Variants in PI15 observed in about 807,000 individuals in gnomAD.
PI15 encodes peptidase inhibitor 15.
A neutral mutation model predicts 31.0 loss-of-function variants in PI15; 18 were observed. That is an observed-to-expected ratio of 0.58 (90% CI 0.40 to 0.86). PI15 has a LOEUF of 0.86. PI15 is among the 40% of genes least tolerant of loss of function. The probability of loss-of-function intolerance (pLI) is 0.00; values close to 1 mark genes in which losing one functional copy is unlikely to be tolerated. For missense variants in PI15, 282 were observed against 328.1 expected, an observed-to-expected ratio of 0.86 and a Z score of 1.09; for synonymous variants, 118 against 119.1, an observed-to-expected ratio of 0.99 and a Z score of 0.06.
At chr8:74,833,892 T>C (rs1318528325) in intron 2 of PI15, among the ~76,000 whole-genome samples, 1 of 152,198 alleles carries the variant, frequency 6.6e-6, no homozygotes, top group Non-Finnish European at 1.5e-5. Context: ...CTGTGGCCTG[T>C]TAGAAACTGG....
intron 2 of PI15, among the ~76,000 whole-genome samples, chr8:74,839,158 A>G (rs79858511): frequency 0.023 from 3,567 of 152,316 alleles, 157 homozygotes; most frequent in African/African-American, 0.082. Context: ...AGATATTTAA[A>G]TGACTTCAGT....
rs780760149 is a variant in PI15, at chr8:74,845,432, A to G, written c.576A>G (p.Gln192=). 1.2e-6 allele frequency: 2 copies of G among 1,614,136 alleles called. No homozygotes were observed. The highest frequency in any genetic ancestry group is 1.7e-6 in the Non-Finnish European group (2 of 1,179,990). The change falls in exon 5 of 6, where the codon CAA becomes CAG. Residue 192 remains glutamine (Q), a synonymous_variant. Coordinates refer to ENST00000260113, the MANE Select transcript of PI15 (RefSeq NM_015886.5). ...NRIGCAIHTC[Q]NMNVWGSVWR... ...TAGGATGCGCAATTCATACTTGCCA[A>G]AACATGAATGTTTGGGGATCTGTGT...
intron 2 of PI15, among the ~76,000 whole-genome samples, chr8:74,828,219 A>C (rs1810727359): frequency 6.6e-6 from 1 of 152,132 alleles, no homozygotes; most frequent in Admixed American, 6.6e-5. Flanking sequence ...GATTTTTAAC[A>C]AGTGTTCAAG....
chr8:74,837,926 A>C (rs1563567322), intron 2 of PI15, among the ~76,000 whole-genome samples: 1 of 152,104 alleles, frequency 6.6e-6, no homozygotes, highest in Non-Finnish European at 1.5e-5. Context: ...CTCAAAGTTC[A>C]CTTTAATTTT....
Position 74,844,045 on chromosome 8 carries a change from G to C in PI15, c.338G>C (p.Gly113Ala). The stretch of plus-strand genomic sequence containing the variant: ...GCGGCTACTTGCATTTGGGACCATG[G>C]ACCTTCTTACTTACTGAGATTTTTG... ...AWAATCIWDH[G>A]PSYLLRFLGQ... The change falls in exon 3 of 6, where the codon GGA (glycine) becomes GCA (alanine). Residue 113 changes from glycine to alanine, a missense_variant. Physicochemically the swap from Gly to Ala is moderately conservative, Grantham distance 60. Transcript: ENST00000260113. The C allele has an allele frequency of 6.2e-7, 1 of 1,609,460 alleles. No homozygotes were observed. Among genetic ancestry groups the C allele is most frequent in the Non-Finnish European group, 8.5e-7 (1 of 1,175,778 alleles).
chr8:74,835,551 G>A (rs761891891), intron 2 of PI15, among the ~76,000 whole-genome samples: 3 of 152,110 alleles, frequency 2.0e-5, no homozygotes, highest in African/African-American at 7.2e-5. Flanking sequence ...ATAGGTTAAA[G>A]CAAAAATTAT....
rs554075984 is a variant in PI15 at position 74,825,501 on chromosome 8, G to C, written c.252G>C (p.Pro84=). The change falls in exon 2 of 6, where the codon CCG becomes CCC. Residue 84 remains proline, a synonymous_variant. Transcript: ENST00000260113. ...AAGTTCGGGGCAAAGTGTTCCCACC[G>C]GCAGCAAATATGGAATATATGGTAA... ...HNQVRGKVFP[P]AANMEYMVWD... 5.6e-6 allele frequency: 9 copies of C among 1,612,184 alleles called. No homozygotes were observed. In the African/African-American group the frequency reaches 9.4e-5, roughly 17 times the overall value.
chr8:74,848,445 T>C (rs1039966458), intron 5 of PI15, among the ~76,000 whole-genome samples: 1 of 151,930 alleles, frequency 6.6e-6, no homozygotes, highest in Admixed American at 6.6e-5. Context: ...CTCATTTCAT[T>C]ATTTTTAAGC....
intron 2 of PI15, among the ~76,000 whole-genome samples, chr8:74,842,891 T>C (rs1279121463): frequency 2.0e-5 from 3 of 152,200 alleles, no homozygotes; most frequent in South Asian, 4.1e-4. Flanking sequence ...TGAAGTACTA[T>C]GTTTTTATAA....
chr8:74,838,208 C>G (rs1249939436), intron 2 of PI15, among the ~76,000 whole-genome samples: 6 of 151,450 alleles, frequency 4.0e-5, no homozygotes, highest in African/African-American at 1.5e-4. Context: ...TGCAAAACAG[C>G]TTGAAAAAAA....
chr8:74,832,672 A>C (rs1007397217), intron 2 of PI15, among the ~76,000 whole-genome samples: 2 of 152,190 alleles, frequency 1.3e-5, no homozygotes, highest in African/African-American at 2.4e-5. Context: ...AACAGTTTAA[A>C]ATGGTCAAGA....
intron 2 of PI15, among the ~76,000 whole-genome samples, chr8:74,827,461 G>A (rs1303232098): frequency 1.3e-5 from 2 of 152,096 alleles, no homozygotes; most frequent in African/African-American, 4.8e-5. Context: ...CCAAGGACTT[G>A]ACTAATTGTT....
In PI15 at chr8:74,849,377, T is replaced by A. The variant is rs1289738239; in HGVS notation, c.*124T>A. On this transcript the variant is annotated 3_prime_UTR_variant, in exon 6 of 6. Coordinates refer to ENST00000260113, the MANE Select transcript of PI15 (RefSeq NM_015886.5). ...TGCTAATCTTGTTTTCCTCTTAGTATTCCTTTGTATAAATTAGTGTTTGTC... is the reference window on the plus strand; with the variant it reads ...TGCTAATCTTGTTTTCCTCTTAGTAATCCTTTGTATAAATTAGTGTTTGTC... The A allele has an allele frequency of 6.2e-6, 4 of 645,640 alleles. No homozygotes were observed. The allele number at this position is 645,640 out of a possible 1,614,324, so 40.0% of individuals were successfully genotyped here. A position where few individuals can be genotyped will look rare whatever the true frequency, so the allele number is the denominator to read the frequency against.
At chr8:74,843,104 A>G (rs1355029727) in intron 2 of PI15, among the ~76,000 whole-genome samples, 1 of 152,200 alleles carries the variant, frequency 6.6e-6, no homozygotes, top group Non-Finnish European at 1.5e-5. Flanking sequence ...TGGTAAAATC[A>G]GTTTGAATAA....
chr8:74,845,503 T>A lies in PI15; in HGVS notation c.641+6T>A, dbSNP rs1207182587. On this transcript the variant is annotated splice_donor_region_variant and intron_variant, in intron 5 of 5. Transcript: ENST00000260113. ...GTATGCAACTATGCCCCAAAGTAAG[T>A]ACCAGGTTGGATTCTATTTCCTGGA... 7 of 1,550,626 alleles carry A rather than the reference T, an allele frequency of 4.5e-6. No individual in the cohort carries two copies. The highest frequency in any genetic ancestry group is 6.2e-6 in the Non-Finnish European group (7 of 1,122,320).
intron 2 of PI15, among the ~76,000 whole-genome samples, chr8:74,832,584 A>G (rs1307355756): frequency 6.6e-6 from 1 of 152,254 alleles, no homozygotes; most frequent in East Asian, 1.9e-4. Flanking sequence ...ACCATTAAAT[A>G]GCTGTGAACT....
chr8:74,845,202 A>C lies in PI15; in HGVS notation c.467A>C (p.Asp156Ala). Residue 156 changes from aspartate (D) to alanine (A), a missense_variant, in exon 4 of 6, where the codon GAT becomes GCT. Asp to Ala is a moderately radical substitution (Grantham distance 126). Coordinates refer to ENST00000260113, the MANE Select transcript of PI15 (RefSeq NM_015886.5). ...GATTATGCTTTTCCATATCCCCAGGATTGCAACCCCAGATGTCCTATGAGA... is the reference window on the plus strand; with the variant it reads ...GATTATGCTTTTCCATATCCCCAGGCTTGCAACCCCAGATGTCCTATGAGA... ...VKDYAFPYPQ[D>A]CNPRCPMRCF... The C allele has an allele frequency of 6.2e-7, 1 of 1,613,406 alleles. No individual in the cohort carries two copies. The highest frequency in any genetic ancestry group is 1.1e-5 in the South Asian group (1 of 91,064).
At chr8:74,830,648 C>T (rs1810768284) in intron 2 of PI15, among the ~76,000 whole-genome samples, 1 of 152,034 alleles carries the variant, frequency 6.6e-6, no homozygotes, top group Non-Finnish European at 1.5e-5. Flanking sequence ...TTTTGTTTTT[C>T]TTTCTTCAGT....
intron 5 of PI15, 77 bp from the exon 6 acceptor site, chr8:74,849,041 C>T: frequency 1.6e-6 from 2 of 1,280,050 alleles, no homozygotes; most frequent in South Asian, 1.4e-5. Flanking sequence ...TACTTGTGAA[C>T]ATATGGCTTA....
Sources: allele counts gnomAD v4.1 joint callset (sites outside exome capture counted in the v4.1 genomes callset), GRCh38; gene constraint gnomAD v4.1.1; transcripts MANE v1.5; gene names NCBI Gene and HGNC (gene_info 2026-07-23, HGNC 2026-07-21).